Variants in VPS26B observed in about 807,000 individuals in gnomAD.
The protein encoded by VPS26B is vacuolar protein sorting-associated protein 26B.
A neutral mutation model predicts 33.3 loss-of-function variants in VPS26B; 10 were observed. The ratio of observed to expected loss-of-function variants is 0.30; its 90% CI spans 0.19 to 0.51. The LOEUF (loss-of-function observed/expected upper bound fraction) is 0.51. Among genes scored for constraint, VPS26B ranks in the 20% least tolerant of loss-of-function variants. VPS26B has a pLI of 0.98. For missense variants in VPS26B, 317 were observed against 452.7 expected (o/e 0.70, Z 2.72); for synonymous variants, 190 against 176.9 (o/e 1.07, Z -0.59).
chr11:134,238,333 A>G (rs1938665013), intron 2 of VPS26B, among the ~76,000 whole-genome samples: 1 of 152,174 alleles, frequency 6.6e-6, no homozygotes, highest in South Asian at 2.1e-4. Context: ...AAGCAGAGGA[A>G]GGAGCACATT....
intron 1 of VPS26B, among the ~76,000 whole-genome samples, chr11:134,231,383 A>C (rs1037973402): frequency 1.3e-4 from 20 of 152,232 alleles, no homozygotes; most frequent in African/African-American, 3.9e-4. Context: ...CCTACTTAAC[A>C]AGCTGCTGGT....
chr11:134,239,902 C>G (rs1938690802), intron 2 of VPS26B, 89 bp from the exon 3 acceptor site: 91 of 1,447,026 alleles, frequency 6.3e-5, no homozygotes, highest in Non-Finnish European at 7.9e-5. Context: ...TTTGTACAGG[C>G]TTCTCTCAAG....
intron 3 of VPS26B, 148 bp from the exon 4 acceptor site, chr11:134,242,971 G>A: frequency 1.3e-6 from 1 of 740,964 alleles, no homozygotes. Flanking sequence ...AAACAGTTCA[G>A]CCACAGCCAT....
rs762382946 is a variant in VPS26B, at chr11:134,245,597, A to G, written c.*7A>G. 3 of 1,602,018 alleles carry G rather than the reference A, an allele frequency of 1.9e-6. No homozygotes were observed. Among genetic ancestry groups the G allele is most frequent in the South Asian group, 1.1e-5 (1 of 90,352 alleles). ...CAACAACTGCAGGCAGTAGGCCCCC[A>G]GGGCCGAGAAGATGCTGGGCACCCA... On this transcript the variant is annotated 3_prime_UTR_variant, in exon 6 of 6. Transcript: ENST00000281187. This position sits in a 1 kb window ranked among gnomAD's most constrained non-coding sequence, Gnocchi z 4.7.
Position 134,224,943 on chromosome 11 carries a change from C to A in VPS26B, c.-180C>A. 1 of 329,004 alleles carries A rather than the reference C, an allele frequency of 3.0e-6. No individual in the cohort carries two copies. The highest frequency in any genetic ancestry group is 1.3e-4 in the South Asian group (1 of 7,484). The allele number at this position is 329,004 out of a possible 1,614,324, so 20.4% of individuals were successfully genotyped here. On this transcript the variant is annotated 5_prime_UTR_variant, in exon 1 of 6. Coordinates refer to ENST00000281187, the MANE Select transcript of VPS26B (RefSeq NM_052875.5). ...GCCAGCCTCCCCCGGCCGTGCCCCT[C>A]CCCCGTGGAGCCGGCTGTCCGTCGG...
chr11:134,244,956 G>C lies in VPS26B; in HGVS notation c.740G>C (p.Arg247Pro). The C allele has an allele frequency of 6.2e-7, 1 of 1,613,662 alleles. No individual in the cohort carries two copies. Among genetic ancestry groups the C allele is most frequent in the Non-Finnish European group, 8.5e-7 (1 of 1,180,020 alleles). Residue 247 changes from arginine to proline, a missense_variant, in exon 5 of 6, where the codon CGG becomes CCG. Arg to Pro is a moderately radical substitution (Grantham distance 103). Transcript: ENST00000281187. This position sits in a 1 kb window ranked among gnomAD's most constrained non-coding sequence, Gnocchi z 4.0. ...APVRGESIPI[R>P]LFLAGYELTP... is the part of the protein sequence containing the mutation. ...CCTACAGGAGAGTCCATCCCGATCC[G>C]GCTCTTCCTGGCCGGGTATGAGCTC...
In VPS26B at chr11:134,247,164, G is replaced by A. The variant is rs964383024; in HGVS notation, c.*1574G>A. ...GACTGGCGGCAGCAGAACCGAGGAAGGCAAGGTTGTTTCCCCCACGCTGTG... is the reference window on the plus strand; with the variant it reads ...GACTGGCGGCAGCAGAACCGAGGAAAGCAAGGTTGTTTCCCCCACGCTGTG... On this transcript the variant is annotated 3_prime_UTR_variant, in exon 6 of 6. Transcript: ENST00000281187. The A allele has an allele frequency of 6.6e-6, 1 of 152,266 alleles. No individual in the cohort carries two copies. Among genetic ancestry groups the A allele is most frequent in the African/African-American group, 2.4e-5 (1 of 41,430 alleles). 9.4% of individuals were successfully genotyped at this position (152,266 alleles called of 1,614,324 possible). A position where few individuals can be genotyped will look rare whatever the true frequency, so the allele number is the denominator to read the frequency against.
intron 1 of VPS26B, among the ~76,000 whole-genome samples, chr11:134,233,761 A>G (rs916934965): frequency 6.6e-6 from 1 of 152,146 alleles, no homozygotes; most frequent in Non-Finnish European, 1.5e-5. Flanking sequence ...GTGCAGGGCC[A>G]GGTTCTAGGA....
At position 134,240,476 on chromosome 11, in the gene VPS26B, T is replaced by G. The variant is rs947576493; in HGVS notation, c.545+321T>G. ...TTTTGGAATTCCAGCTTCAGCTGTT[T>G]CCCGCTACTGCTAAGAACAATCTCA... On this transcript the variant is annotated intron_variant, in intron 3 of 5. Transcript: ENST00000281187. This position sits in a 1 kb window ranked among gnomAD's most constrained non-coding sequence, Gnocchi z 4.4. Among the ~76,000 whole-genome samples the G allele has an allele frequency of 6.6e-6, 1 of 152,234 alleles. No homozygotes were observed. The highest frequency in any genetic ancestry group is 6.5e-5 in the Admixed American group (1 of 15,282).
chr11:134,243,091 C>CT, intron 3 of VPS26B, 28 bp from the exon 4 acceptor site: 2 of 1,612,696 alleles, frequency 1.2e-6, no homozygotes, highest in Non-Finnish European at 1.7e-6. Flanking sequence ...GTACCAACAT[C>CT]TTACTTTCTG....
At chr11:134,230,686 G>A (rs926881379) in intron 1 of VPS26B, among the ~76,000 whole-genome samples, 2 of 152,226 alleles carry the variant, frequency 1.3e-5, no homozygotes, top group African/African-American at 4.8e-5. Flanking sequence ...CCCCTTGTGT[G>A]TAAGAACGTA....
At chr11:134,233,271 A>G (rs1938583089) in intron 1 of VPS26B, among the ~76,000 whole-genome samples, 1 of 152,206 alleles carries the variant, frequency 6.6e-6, no homozygotes, top group Non-Finnish European at 1.5e-5. Flanking sequence ...CTCCCCAAGC[A>G]GCAAACAACA....
rs770630281 is a variant in VPS26B, at chr11:134,225,215, C to T, written c.93C>T (p.Asp31=). The T allele has an allele frequency of 5.0e-6, 8 of 1,614,012 alleles. No homozygotes were observed. The East Asian group carries it at 1.8e-4, about 36-fold the overall frequency. Residue 31 remains aspartate (D), a synonymous_variant, in exon 1 of 6, where the codon GAC becomes GAT. Transcript: ENST00000281187. ...AGCGGGCCGAGCACAAGACGGAGGA[C>T]GGGAAGAAGGAGAAATATTTCCTCT... ...SRKRAEHKTE[D]GKKEKYFLFY...
At chr11:134,236,624 C>T (rs1591880564) in intron 2 of VPS26B, 1 of 152,356 alleles carries the variant, frequency 6.6e-6, no homozygotes, top group Admixed American at 6.5e-5. Context: ...GACTGTTATA[C>T]AGCCTTCAAA....
Position 134,229,812 on chromosome 11 carries a change from C to G in VPS26B, c.223+4467C>G, listed in dbSNP as rs181478609. The stretch of plus-strand genomic sequence containing the variant: ...AAAGGCAGTTCTATCATTGTCAGTC[C>G]TTTCTTAAAATTCTCGCCTCCCTAT... On this transcript the variant is annotated intron_variant, in intron 1 of 5. Coordinates refer to ENST00000281187, the MANE Select transcript of VPS26B (RefSeq NM_052875.5). 2.8e-4 allele frequency among the ~76,000 whole-genome samples: 42 copies of G among 152,230 alleles called. 1 individual carries two copies. The East Asian group carries it at 6.8e-3, about 25-fold the overall frequency.
intron 1 of VPS26B, among the ~76,000 whole-genome samples, chr11:134,232,933 G>A (rs1591878544): frequency 6.6e-6 from 1 of 152,128 alleles, no homozygotes; most frequent in Admixed American, 6.5e-5. Context: ...GGCTGGCCGC[G>A]GCTCCGCTTC....
chr11:134,240,794 C>CATGTGTGT lies in VPS26B; in HGVS notation c.545+639_545+640insATGTGTGT, dbSNP rs768998674. ...GTGTCCGTGTGTGTGTGTGTGTGTC[C>CATGTGTGT]GTGTGTGTGTGTGTGTGTGTGTGTG... On this transcript the variant is annotated intron_variant, in intron 3 of 5. Coordinates refer to ENST00000281187, the MANE Select transcript of VPS26B (RefSeq NM_052875.5). This position sits in a 1 kb window ranked among gnomAD's most constrained non-coding sequence, Gnocchi z 4.4. Among the ~76,000 whole-genome samples the CATGTGTGT allele has an allele frequency of 7.2e-6, 1 of 138,434 alleles. No homozygotes were observed. The highest frequency in any genetic ancestry group is 7.3e-5 in the Admixed American group (1 of 13,770). 90.8% of individuals were successfully genotyped at this position (138,434 alleles called of 152,430 possible). A position where few individuals can be genotyped will look rare whatever the true frequency, so the allele number is the denominator to read the frequency against.
At position 134,245,557 on chromosome 11, in the gene VPS26B, C is replaced by T. The variant is rs760715624; in HGVS notation, c.978C>T (p.Pro326=). 7 of 1,612,610 alleles carry T rather than the reference C, an allele frequency of 4.3e-6. No homozygotes were observed. In the South Asian group the frequency reaches 5.5e-5, roughly 13 times the overall value. Residue 326 remains proline, a synonymous_variant, in exon 6 of 6, where the codon CCC becomes CCT. Transcript: ENST00000281187. This position sits in a 1 kb window ranked among gnomAD's most constrained non-coding sequence, Gnocchi z 4.7. The part of the protein sequence containing the change: ...GTTSLGEVRT[P]SQLSDNNCRQ ...CCTCCCTGGGTGAGGTGCGGACCCC[C>T]AGCCAGCTGTCTGACAACAACTGCA... is the stretch of plus-strand genomic sequence containing the variant.
intron 2 of VPS26B, among the ~76,000 whole-genome samples, chr11:134,236,158 A>AT (rs1289203099): frequency 4.7e-5 from 7 of 149,144 alleles, no homozygotes; most frequent in East Asian, 3.9e-4. Context: ...AAAAAAAAAA[A>AT]TTTTTTTAAT....
Sources: allele counts gnomAD v4.1 joint callset (sites outside exome capture counted in the v4.1 genomes callset), GRCh38; gene constraint gnomAD v4.1.1; non-coding constraint Gnocchi (gnomAD v3.1); transcripts MANE v1.5; gene names NCBI Gene and HGNC (gene_info 2026-07-23, HGNC 2026-07-21).